ALB: variants seen among roughly 807,000 people sequenced by gnomAD.
ALB encodes serum albumin.
Under a neutral mutation model 74.5 loss-of-function variants are expected in ALB, and 37 were observed. The ratio of observed to expected loss-of-function variants is 0.50; its 90% CI spans 0.38 to 0.65. The LOEUF (loss-of-function observed/expected upper bound fraction) is 0.65. ALB is among the 30% of genes least tolerant of loss of function. The probability of loss-of-function intolerance (pLI) is 0.00; values close to 1 mark genes in which losing one functional copy is unlikely to be tolerated. For missense variants in ALB, 685 were observed against 718.7 expected (o/e 0.95, Z 0.54); for synonymous variants, 249 against 251.6 (o/e 0.99, Z 0.10).
chr4:73,420,356 A>T (rs1033901240), intron 14 of ALB, 35 bp downstream of exon 14: 6 of 1,360,080 alleles, frequency 4.4e-6, no homozygotes, highest in African/African-American at 1.5e-5. Flanking sequence ...AAAAGTAACT[A>T]TAATAGTTAT....
intron 6 of ALB, 68 bp downstream of exon 6, chr4:73,410,477 G>A (rs1228374714): frequency 4.0e-6 from 5 of 1,239,274 alleles, no homozygotes; most frequent in Non-Finnish European, 5.9e-6. Context: ...GTGACAAATT[G>A]TACATTTTTA....
chr4:73,412,665 G>A (rs542056499), intron 7 of ALB, among the ~76,000 whole-genome samples: 3 of 152,148 alleles, frequency 2.0e-5, no homozygotes, highest in South Asian at 4.2e-4. Context: ...GACTGGTCTC[G>A]AACTCCTGAC....
chr4:73,405,617 G>T (rs1718700663), intron 2 of ALB, among the ~76,000 whole-genome samples: 1 of 151,168 alleles, frequency 6.6e-6, no homozygotes, highest in Non-Finnish European at 1.5e-5. Flanking sequence ...TTAAGACAGG[G>T]TCTCGCTCTG....
At position 73,418,232 on chromosome 4, in the gene ALB, G is replaced by C. The variant is rs75523493; in HGVS notation, c.1573G>C (p.Glu525Gln). Residue 525 changes from glutamate to glutamine, a missense_variant, in exon 12 of 15, where the codon GAG (glutamate) becomes CAG (glutamine). Physicochemically the swap from Glu to Gln is conservative, Grantham distance 29 (BLOSUM62 2). Coordinates refer to ENST00000295897, the MANE Select transcript of ALB (RefSeq NM_000477.7). ...LEVDETYVPK[E>Q]FNAETFTFHA... ...AGTCGATGAAACATACGTTCCCAAA[G>C]AGTTTAATGCTGAAACATTCACCTT... The C allele has an allele frequency of 6.2e-7, 1 of 1,614,112 alleles. No homozygotes were observed. The highest frequency in any genetic ancestry group is 8.5e-7 in the Non-Finnish European group (1 of 1,180,004).
At chr4:73,406,886 A>T in intron 3 of ALB, 125 bp downstream of exon 3, 1 of 1,121,690 alleles carries the variant, frequency 8.9e-7, no homozygotes, top group Non-Finnish European at 1.3e-6. Context: ...AACACTAAAA[A>T]GTTGCTCATA....
chr4:73,409,600 A>C, intron 5 of ALB, 113 bp downstream of exon 5: 1 of 1,295,756 alleles, frequency 7.7e-7, no homozygotes, highest in East Asian at 2.3e-5. Context: ...GACATGGTCA[A>C]AAAAGCCTTC....
intron 1 of ALB, chr4:73,404,850 A>G (rs1460818279): frequency 7.6e-5 from 33 of 436,132 alleles, no homozygotes; most frequent in Non-Finnish European, 1.3e-4. Context: ...ACACTAAAAG[A>G]GTATTAGATA....
At chr4:73,411,140 G>T (rs934404987) in intron 6 of ALB, among the ~76,000 whole-genome samples, 5 of 151,878 alleles carry the variant, frequency 3.3e-5, no homozygotes, top group Non-Finnish European at 7.4e-5. Flanking sequence ...GAAATAAAAT[G>T]AAAATAATAG....
intron 3 of ALB, 139 bp from the exon 4 acceptor site, chr4:73,408,455 C>A: frequency 6.9e-6 from 5 of 729,234 alleles, no homozygotes; most frequent in Non-Finnish European, 1.2e-5. Context: ...AAACTGTAAA[C>A]CTCGATTGGG....
intron 4 of ALB, 126 bp downstream of exon 4, chr4:73,408,931 G>C (rs941503716): frequency 2.2e-6 from 2 of 891,816 alleles, no homozygotes; most frequent in Non-Finnish European, 3.3e-6. Context: ...TTGTTATGAT[G>C]ATTTTTTAAA....
chr4:73,417,751 G>A (rs1719050774), intron 11 of ALB, 82 bp downstream of exon 11: 2 of 1,282,724 alleles, frequency 1.6e-6, no homozygotes, highest in Non-Finnish European at 1.1e-6. Context: ...TTCATAAGCA[G>A]AAGGAAGTAA....
In ALB at chr4:73,409,435, C is replaced by A. The variant is rs777449887; in HGVS notation, c.563C>A (p.Ala188Asp). 1.2e-6 allele frequency: 2 copies of A among 1,613,840 alleles called. No individual in the cohort carries two copies. The highest frequency in any genetic ancestry group is 1.7e-6 in the Non-Finnish European group (2 of 1,179,898). The part of the protein sequence containing the change: ...LLFFAKRYKA[A>D]FTECCQAADK... Reference sequence around the variant, plus strand: ...TTCTTTGCTAAAAGGTATAAAGCTGCTTTTACAGAATGTTGCCAAGCTGCT... The same window carrying A: ...TTCTTTGCTAAAAGGTATAAAGCTGATTTTACAGAATGTTGCCAAGCTGCT... Residue 188 changes from alanine to aspartate, a missense_variant, in exon 5 of 15, where the codon GCT (alanine) becomes GAT (aspartate). Transcript: ENST00000295897.
At chr4:73,416,551 A>G (rs1426368773) in intron 10 of ALB, among the ~76,000 whole-genome samples, 198 bp downstream of exon 10, 4 of 152,160 alleles carry the variant, frequency 2.6e-5, no homozygotes, top group Non-Finnish European at 5.9e-5. Flanking sequence ...TAGTCTAAAA[A>G]TTGTTCTCTT....
intron 2 of ALB, 63 bp from the exon 3 acceptor site, chr4:73,406,566 C>G: frequency 6.6e-7 from 1 of 1,508,436 alleles, no homozygotes; most frequent in Non-Finnish European, 9.2e-7. Flanking sequence ...TGTTCTCTAG[C>G]GTAGCAACCT....
rs770576681 is a variant in ALB, at chr4:73,415,063, C to A, written c.1087C>A (p.Pro363Thr). ...MFLYEYARRH[P>T]DYSVVLLLRL... ...TTTGTATGAATATGCAAGAAGGCAT[C>A]CTGATTACTCTGTCGTGCTGCTGCT... The change falls in exon 9 of 15, where the codon CCT (proline) becomes ACT (threonine). Residue 363 changes from proline to threonine, a missense_variant. Physicochemically the swap from Pro to Thr is conservative, Grantham distance 38. Coordinates refer to ENST00000295897, the MANE Select transcript of ALB (RefSeq NM_000477.7). 4 of 1,614,062 alleles carry A rather than the reference C, an allele frequency of 2.5e-6. No individual in the cohort carries two copies. In the Admixed American group the frequency reaches 6.7e-5, roughly 27 times the overall value.
At chr4:73,405,710 C>A (rs1718705939) in intron 2 of ALB, among the ~76,000 whole-genome samples, 1 of 152,004 alleles carries the variant, frequency 6.6e-6, no homozygotes, top group African/African-American at 2.4e-5. Context: ...CCTGCCTCAG[C>A]CTCCCGAGTA....
intron 2 of ALB, 83 bp from the exon 3 acceptor site, chr4:73,406,546 A>G (rs943798594): frequency 3.8e-6 from 5 of 1,299,480 alleles, no homozygotes; most frequent in Admixed American, 3.5e-5. Context: ...ACCTATACCC[A>G]TACATGATTT....
chr4:73,406,530 G>T, intron 2 of ALB, 99 bp from the exon 3 acceptor site: 1 of 1,159,814 alleles, frequency 8.6e-7, no homozygotes, highest in East Asian at 2.4e-5. Context: ...ATGTATAAAA[G>T]ATAGAACCTA....
chr4:73,415,070 A>T lies in ALB; in HGVS notation c.1094A>T (p.Tyr365Phe), dbSNP rs776487747. ...LYEYARRHPD[Y>F]SVVLLLRLAK... ...GAATATGCAAGAAGGCATCCTGATT[A>T]CTCTGTCGTGCTGCTGCTGAGACTT... Residue 365 changes from tyrosine to phenylalanine, a missense_variant, in exon 9 of 15, where the codon TAC becomes TTC. Transcript: ENST00000295897. 6.2e-7 allele frequency: 1 copy of T among 1,613,990 alleles called. No individual in the cohort carries two copies. The highest frequency in any genetic ancestry group is 8.5e-7 in the Non-Finnish European group (1 of 1,180,008).
Sources: allele counts gnomAD v4.1 joint callset (sites outside exome capture counted in the v4.1 genomes callset), GRCh38; gene constraint gnomAD v4.1.1; transcripts MANE v1.5; gene names NCBI Gene and HGNC (gene_info 2026-07-23, HGNC 2026-07-21).